SLC39A11: variants seen among roughly 807,000 people sequenced by gnomAD.
SLC39A11 encodes the protein zinc transporter ZIP11.
Under a neutral mutation model 36.1 loss-of-function variants are expected in SLC39A11, and 33 were observed. That is an observed-to-expected ratio of 0.91 (90% CI 0.69 to 1.22). The LOEUF (loss-of-function observed/expected upper bound fraction) is 1.22. Ranked by LOEUF, SLC39A11 falls within the 50% of genes most tolerant of loss-of-function variation. The probability of loss-of-function intolerance (pLI) is 0.00; values close to 1 mark genes in which losing one functional copy is unlikely to be tolerated. For missense variants in SLC39A11, 432 were observed against 430.3 expected (o/e 1.00, Z -0.03); for synonymous variants, 166 against 170.3 (o/e 0.97, Z 0.20).
intron 5 of SLC39A11, among the ~76,000 whole-genome samples, chr17:72,901,050 C>T (rs2082371831): frequency 6.6e-6 from 1 of 151,676 alleles, no homozygotes; most frequent in Admixed American, 6.6e-5. Context: ...GGTTGCAACG[C>T]TGAGGAAACC....
At chr17:72,656,626 C>G (rs1030690995) in intron 7 of SLC39A11, among the ~76,000 whole-genome samples, 5 of 152,036 alleles carry the variant, frequency 3.3e-5, no homozygotes, top group African/African-American at 1.2e-4. Context: ...GCAGCCCTGA[C>G]AGGCCTCTCC....
chr17:72,684,476 T>A (rs781248805), intron 7 of SLC39A11, among the ~76,000 whole-genome samples: 38 of 152,188 alleles, frequency 2.5e-4, no homozygotes, highest in Non-Finnish European at 5.3e-4. Flanking sequence ...TGGGCAGGCG[T>A]GCCCTGCTAG....
intron 7 of SLC39A11, among the ~76,000 whole-genome samples, chr17:72,669,345 C>T (rs1002542129): frequency 1.3e-5 from 2 of 152,172 alleles, no homozygotes; most frequent in African/African-American, 4.8e-5. Flanking sequence ...TGTGGGATCC[C>T]ATGTTGCATT....
In SLC39A11 at chr17:72,721,087, C is replaced by CTTTTT. The variant is rs56090007; in HGVS notation, c.671+15558_671+15562dup. 2.3e-3 allele frequency among the ~76,000 whole-genome samples: 297 copies of CTTTTT among 126,494 alleles called. 2 individuals carry two copies. The highest frequency in any genetic ancestry group is 3.1e-3 in the African/African-American group (102 of 32,566). 83.0% of individuals were successfully genotyped at this position (126,494 alleles called of 152,430 possible). On this transcript the variant is annotated intron_variant, in intron 7 of 9. Coordinates refer to ENST00000255559, the MANE Select transcript of SLC39A11 (RefSeq NM_139177.4). Reference sequence around the variant, plus strand: ...CACAGACTTGACTGCTGTCCCTCGCCTTTTTTTTTTTTTTTTTTTTAAGTT... The same window carrying CTTTTT: ...CACAGACTTGACTGCTGTCCCTCGCCTTTTTTTTTTTTTTTTTTTTTTTTTAAGTT...
At chr17:72,903,334 GTTC>G (rs1316850981) in intron 5 of SLC39A11, among the ~76,000 whole-genome samples, 1 of 150,202 alleles carries the variant, frequency 6.7e-6, no homozygotes, top group Non-Finnish European at 1.5e-5. Context: ...GGAAAAACAA[GTTC>G]TTCTTCTTGG....
chr17:73,075,131 A>G (rs2060279195), intron 3 of SLC39A11, among the ~76,000 whole-genome samples: 1 of 152,220 alleles, frequency 6.6e-6, no homozygotes, highest in Admixed American at 6.5e-5. Flanking sequence ...ATTCAACTGC[A>G]TGCTTAATTT....
In SLC39A11 at chr17:72,880,994, T is replaced by A. The variant is rs116726501; in HGVS notation, c.431-31190A>T. On this transcript the variant is annotated intron_variant, in intron 5 of 9. Transcript: ENST00000255559. Reference sequence around the variant, plus strand: ...CTGCACCCGGCCTAAGATAAAATTATAAAGACTGACCATACTAAGTGTTGG... The same window carrying A: ...CTGCACCCGGCCTAAGATAAAATTAAAAAGACTGACCATACTAAGTGTTGG... 9.1e-3 allele frequency among the ~76,000 whole-genome samples: 1,355 copies of A among 149,060 alleles called. 39 individuals are homozygous for A. The highest frequency in any genetic ancestry group is 0.033 in the African/African-American group (1,270 of 38,898).
intron 4 of SLC39A11, among the ~76,000 whole-genome samples, chr17:72,956,765 T>C (rs1030825640): frequency 6.6e-6 from 1 of 152,138 alleles, no homozygotes; most frequent in Non-Finnish European, 1.5e-5. Flanking sequence ...TGTTATCCTT[T>C]TGGAGGATAT....
Position 72,955,298 on chromosome 17 carries a change from C to CTTTTT in SLC39A11, c.307-7428_307-7424dup, listed in dbSNP as rs71359751. On this transcript the variant is annotated intron_variant, in intron 4 of 9. Transcript: ENST00000255559. ...GAATAGGCTTTAACTTTTCAGTTCT[C>CTTTTT]TTTTTTTTTTTTTTTTTTTTGTTTG... Among the ~76,000 whole-genome samples the CTTTTT allele has an allele frequency of 1.3e-3, 87 of 65,578 alleles. 4 individuals are homozygous for CTTTTT. The highest frequency in any genetic ancestry group is 3.8e-3 in the African/African-American group (63 of 16,616). 43.0% of individuals were successfully genotyped at this position (65,578 alleles called of 152,430 possible).
chr17:72,942,392 C>T (rs1339649063), intron 5 of SLC39A11, among the ~76,000 whole-genome samples: 3 of 152,110 alleles, frequency 2.0e-5, no homozygotes, highest in African/African-American at 4.8e-5. Context: ...ATTATATCTA[C>T]ATGAACTGTT....
chr17:72,941,882 T>G (rs1240722276), intron 5 of SLC39A11, among the ~76,000 whole-genome samples: 3 of 151,046 alleles, frequency 2.0e-5, no homozygotes, highest in Non-Finnish European at 4.4e-5. Flanking sequence ...ATTTATTTAT[T>G]TATTTATTTA....
intron 6 of SLC39A11, among the ~76,000 whole-genome samples, chr17:72,812,144 A>G (rs1278103517): frequency 6.6e-6 from 1 of 152,212 alleles, no homozygotes; most frequent in Non-Finnish European, 1.5e-5. Context: ...GGCCAGAAAA[A>G]TAAGAAAAAA....
chr17:72,961,994 C>T (rs575778541), intron 4 of SLC39A11, among the ~76,000 whole-genome samples: 1 of 152,314 alleles, frequency 6.6e-6, no homozygotes, highest in East Asian at 1.9e-4. Context: ...GGGCTTTATA[C>T]ATGGCATCAC....
chr17:73,092,336 T>C (rs1367052383), intron 1 of SLC39A11: 2 of 152,142 alleles, frequency 1.3e-5, no homozygotes, highest in African/African-American at 4.8e-5. Context: ...GTTAGGACTG[T>C]AAAAGGAAGG....
chr17:73,046,969 G>A (rs555498326), intron 3 of SLC39A11, among the ~76,000 whole-genome samples: 26 of 151,700 alleles, frequency 1.7e-4, no homozygotes, highest in Non-Finnish European at 1.8e-4. Context: ...AATAAAAAAC[G>A]AAAGGTAATG....
At chr17:73,059,173 T>C (rs997353458) in intron 3 of SLC39A11, among the ~76,000 whole-genome samples, 3 of 152,344 alleles carry the variant, frequency 2.0e-5, no homozygotes, top group Non-Finnish European at 2.9e-5. Flanking sequence ...TTGTACAATA[T>C]AGAGAAGCTG....
intron 6 of SLC39A11, among the ~76,000 whole-genome samples, chr17:72,768,291 G>C (rs1183678809): frequency 1.3e-5 from 2 of 152,206 alleles, no homozygotes; most frequent in African/African-American, 4.8e-5. Context: ...TTCGGAGAAG[G>C]GCTATTATCA....
chr17:72,662,075 A>C (rs753410995), intron 7 of SLC39A11, among the ~76,000 whole-genome samples: 2 of 152,198 alleles, frequency 1.3e-5, no homozygotes, highest in Non-Finnish European at 2.9e-5. Flanking sequence ...GTGGGGGCAC[A>C]CATCTGAGAG....
intron 1 of SLC39A11, among the ~76,000 whole-genome samples, chr17:73,089,154 T>G (rs927062450): frequency 3.3e-5 from 5 of 152,168 alleles, no homozygotes; most frequent in Middle Eastern, 3.2e-3. Context: ...TACCGTCTCT[T>G]GCCCACCATC....
Sources: allele counts gnomAD v4.1 joint callset (sites outside exome capture counted in the v4.1 genomes callset), GRCh38; gene constraint gnomAD v4.1.1; transcripts MANE v1.5; gene names NCBI Gene and HGNC (gene_info 2026-07-23, HGNC 2026-07-21).